Variants in ADAMTS18 observed in about 807,000 individuals in gnomAD.
ADAMTS18 encodes the protein ADAM metallopeptidase with thrombospondin type 1 motif 18, also known as A disintegrin and metalloproteinase with thrombospondin motifs 18.
In ADAMTS18, 157 loss-of-function variants were observed where a neutral mutation model predicts 165.9. That is an observed-to-expected ratio of 0.95 (90% CI 0.83 to 1.08). The LOEUF is 1.08. ADAMTS18 is among the 50% of genes least tolerant of loss of function. The pLI, the probability that ADAMTS18 is intolerant of heterozygous loss-of-function variation, is 0.00. For synonymous variants in ADAMTS18, 782 were observed against 578.2 expected, an observed-to-expected ratio of 1.35 and a Z score of -5.06; for missense variants, 2,040 against 1,534.0, an observed-to-expected ratio of 1.33 and a Z score of -5.51.
chr16:77,311,267 G>T (rs1010770980), intron 16 of ADAMTS18, among the ~76,000 whole-genome samples: 1 of 152,130 alleles, frequency 6.6e-6, no homozygotes, highest in Non-Finnish European at 1.5e-5. Context: ...TTCTGTGGAT[G>T]GAACAGCATT....
intron 16 of ADAMTS18, among the ~76,000 whole-genome samples, chr16:77,317,840 C>T (rs2055915184): frequency 6.6e-6 from 1 of 152,124 alleles, no homozygotes; most frequent in South Asian, 2.1e-4. Flanking sequence ...TATCCAGGCC[C>T]GCTGTGCATG....
chr16:77,390,748 A>C (rs545557065), intron 3 of ADAMTS18, among the ~76,000 whole-genome samples: 1 of 151,660 alleles, frequency 6.6e-6, no homozygotes, highest in East Asian at 1.9e-4. Context: ...TCCTTTAGAC[A>C]CTCCCTTTAC....
intron 3 of ADAMTS18, among the ~76,000 whole-genome samples, chr16:77,411,587 G>C (rs992989366): frequency 7.9e-5 from 12 of 151,738 alleles, no homozygotes; most frequent in Non-Finnish European, 1.5e-5. Context: ...GTTATGAAGA[G>C]GTGCAAAGTC....
intron 14 of ADAMTS18, among the ~76,000 whole-genome samples, chr16:77,321,634 CTG>C (rs568237890): frequency 1.5e-4 from 23 of 152,016 alleles, no homozygotes; most frequent in Non-Finnish European, 3.2e-4. Context: ...GGAAAAATAA[CTG>C]GGGAAAAATA....
intron 17 of ADAMTS18, among the ~76,000 whole-genome samples, chr16:77,299,815 A>G (rs1251110941): frequency 6.6e-6 from 1 of 152,142 alleles, no homozygotes; most frequent in Non-Finnish European, 1.5e-5. Flanking sequence ...GGGGATATCC[A>G]TGTTTCAGAT....
At chr16:77,420,027 A>G (rs1306918051) in intron 3 of ADAMTS18, among the ~76,000 whole-genome samples, 2 of 147,938 alleles carry the variant, frequency 1.4e-5, no homozygotes, top group Non-Finnish European at 3.0e-5. Context: ...AAAAAAAGAC[A>G]TCGACCTCCT....
intron 15 of ADAMTS18, 82 bp downstream of exon 15, chr16:77,320,997 C>T: frequency 6.4e-7 from 1 of 1,567,980 alleles, no homozygotes; most frequent in Non-Finnish European, 8.8e-7. Context: ...GTAAAAGGCT[C>T]AACCACATTT....
At chr16:77,388,284 G>A (rs571976193) in intron 3 of ADAMTS18, among the ~76,000 whole-genome samples, 1 of 152,192 alleles carries the variant, frequency 6.6e-6, no homozygotes, top group South Asian at 2.1e-4. Context: ...ATTTTTATTG[G>A]AGATGGGGTT....
chr16:77,316,308 G>A (rs2055886362), intron 16 of ADAMTS18, among the ~76,000 whole-genome samples: 2 of 151,326 alleles, frequency 1.3e-5, no homozygotes, highest in South Asian at 2.1e-4. Context: ...AGGCTGGAGT[G>A]CAGTAGTGCA....
chr16:77,360,843 C>G (rs1335253340), intron 7 of ADAMTS18, among the ~76,000 whole-genome samples: 1 of 152,090 alleles, frequency 6.6e-6, no homozygotes, highest in East Asian at 1.9e-4. Flanking sequence ...TCCCAGCACT[C>G]TGGGAGGCTG....
intron 3 of ADAMTS18, among the ~76,000 whole-genome samples, chr16:77,382,367 C>T (rs1041993015): frequency 1.1e-4 from 16 of 152,108 alleles, no homozygotes; most frequent in African/African-American, 3.6e-4. Flanking sequence ...CCCGCCACCA[C>T]GCCTGGCTAA....
intron 22 of ADAMTS18, among the ~76,000 whole-genome samples, chr16:77,287,180 C>T (rs74025772): frequency 2.6e-4 from 40 of 152,254 alleles, no homozygotes; most frequent in African/African-American, 3.4e-4. Context: ...AGCAGAGTAC[C>T]GTACCTGGTC....
intron 10 of ADAMTS18, among the ~76,000 whole-genome samples, chr16:77,349,695 G>A (rs1270859221): frequency 6.6e-6 from 1 of 152,118 alleles, no homozygotes; most frequent in African/African-American, 2.4e-5. Context: ...GCATAGACCT[G>A]TCTCCCGGGT....
intron 3 of ADAMTS18, among the ~76,000 whole-genome samples, chr16:77,423,441 C>T (rs757076343): frequency 3.3e-5 from 5 of 152,016 alleles, no homozygotes; most frequent in Admixed American, 1.3e-4. Flanking sequence ...GTAATGACAT[C>T]GGTTTTGATA....
chr16:77,357,307 G>T (rs1211117350), intron 8 of ADAMTS18, among the ~76,000 whole-genome samples: 6 of 152,014 alleles, frequency 3.9e-5, no homozygotes, highest in Admixed American at 3.3e-4. Flanking sequence ...AATAGTAGCA[G>T]GGCAACTGTA....
At chr16:77,399,495 C>T (rs1228546952) in intron 3 of ADAMTS18, among the ~76,000 whole-genome samples, 1 of 152,112 alleles carries the variant, frequency 6.6e-6, no homozygotes, top group Non-Finnish European at 1.5e-5. Flanking sequence ...TGTTTCCCTA[C>T]CCTAGAAGAT....
At chr16:77,356,366 G>C (rs2056630181) in intron 8 of ADAMTS18, among the ~76,000 whole-genome samples, 1 of 152,126 alleles carries the variant, frequency 6.6e-6, no homozygotes, top group East Asian at 1.9e-4. Context: ...TTAAAATTTA[G>C]GTATAAGCTA....
chr16:77,282,906 C>CTTTTTTTTTTTTTTTTT lies in ADAMTS18; in HGVS notation c.*1033_*1049dup, dbSNP rs1555507097. ...CCACTGTTTACTCCTTTCTTTCTCTCTTTTTTTTTTTTTTTTTTTTGCTGT... is the reference window on the plus strand; with the variant it reads ...CCACTGTTTACTCCTTTCTTTCTCTCTTTTTTTTTTTTTTTTTTTTTTTTTTTTTTTTTTTTTGCTGT... On this transcript the variant is annotated 3_prime_UTR_variant, in exon 23 of 23. Transcript: ENST00000282849. 2.6e-5 allele frequency: 2 copies of CTTTTTTTTTTTTTTTTT among 77,582 alleles called. No homozygotes were observed. Among genetic ancestry groups the CTTTTTTTTTTTTTTTTT allele is most frequent in the African/African-American group, 8.1e-5 (2 of 24,644 alleles). 4.8% of individuals were successfully genotyped at this position (77,582 alleles called of 1,614,324 possible). A position where few individuals can be genotyped will look rare whatever the true frequency, so the allele number is the denominator to read the frequency against.
At chr16:77,354,857 T>C (rs1192159602) in intron 9 of ADAMTS18, among the ~76,000 whole-genome samples, 1 of 152,218 alleles carries the variant, frequency 6.6e-6, no homozygotes, top group Non-Finnish European at 1.5e-5. Flanking sequence ...ATTTTAATAC[T>C]TATTAATTGC....
Sources: allele counts gnomAD v4.1 joint callset (sites outside exome capture counted in the v4.1 genomes callset), GRCh38; gene constraint gnomAD v4.1.1; transcripts MANE v1.5; gene names NCBI Gene and HGNC (gene_info 2026-07-23, HGNC 2026-07-21).